FGF14: variants seen among roughly 807,000 people sequenced by gnomAD.
FGF14 encodes the protein fibroblast growth factor 14.
Under a neutral mutation model 25.5 loss-of-function variants are expected in FGF14, and 5 were observed. The ratio of observed to expected loss-of-function variants is 0.20; its 90% CI spans 0.10 to 0.41. FGF14 has a LOEUF of 0.41. FGF14 is among the 10% of genes least tolerant of loss of function. The probability of loss-of-function intolerance (pLI) is 1.00; values close to 1 mark genes in which losing one functional copy is unlikely to be tolerated. For synonymous variants in FGF14, 138 were observed against 118.3 expected (o/e 1.17, Z -1.08); for missense variants, 222 against 320.1 (o/e 0.69, Z 2.34).
chr13:102,309,168 AT>A (rs1684216749), intron 1 of FGF14, among the ~76,000 whole-genome samples: 1 of 150,370 alleles, frequency 6.7e-6, no homozygotes, highest in Non-Finnish European at 1.5e-5. Flanking sequence ...ACACACACAC[AT>A]CTCGCACAGT....
upstream of FGF14, among the ~76,000 whole-genome samples, chr13:101,917,071 C>A (rs1478949251): frequency 6.6e-6 from 1 of 151,376 alleles, no homozygotes; most frequent in Non-Finnish European, 1.5e-5. Flanking sequence ...CCCCGGGCGC[C>A]GGCTGGAGGG....
Position 102,059,607 on chromosome 13 carries a change from T to C in FGF14, c.209-184311A>G, listed in dbSNP as rs528563343. ...GACTCACGCCTGTAATCCCAGCACT[T>C]TGGGAGGCCGAGGCGGGTGGATCAC... On this transcript the variant is annotated intron_variant, in intron 1 of 4. Transcript: ENST00000376131. 2.5e-3 allele frequency among the ~76,000 whole-genome samples: 374 copies of C among 152,130 alleles called. 1 individual carries two copies. The highest frequency in any genetic ancestry group is 8.3e-3 in the African/African-American group (343 of 41,530).
intron 1 of FGF14, among the ~76,000 whole-genome samples, chr13:102,049,977 C>G (rs1189044421): frequency 6.6e-6 from 1 of 151,908 alleles, no homozygotes; most frequent in Non-Finnish European, 1.5e-5. Context: ...ATTCCAATTG[C>G]TTAATCCAAC....
chr13:101,797,012 A>C (rs2140116766), intron 3 of FGF14, among the ~76,000 whole-genome samples: 1 of 152,164 alleles, frequency 6.6e-6, no homozygotes, highest in East Asian at 1.9e-4. Context: ...GGAATTACAA[A>C]AGCCAGACCC....
At chr13:102,218,373 CG>C (rs1399530046) in intron 1 of FGF14, among the ~76,000 whole-genome samples, 1 of 151,984 alleles carries the variant, frequency 6.6e-6, no homozygotes, top group Non-Finnish European at 1.5e-5. Context: ...ACCTGCAGCA[CG>C]TGGGAGAGCA....
chr13:102,090,901 G>A (rs985793697), intron 1 of FGF14, among the ~76,000 whole-genome samples: 1 of 152,192 alleles, frequency 6.6e-6, no homozygotes, highest in African/African-American at 2.4e-5. Flanking sequence ...TAAAGTCTAA[G>A]TATATATTAT....
intron 1 of FGF14, among the ~76,000 whole-genome samples, chr13:102,222,464 A>C (rs1241616039): frequency 6.6e-6 from 1 of 152,174 alleles, no homozygotes; most frequent in Non-Finnish European, 1.5e-5. Context: ...AGAAACCTTG[A>C]CCAATGGTTT....
intron 1 of FGF14, among the ~76,000 whole-genome samples, chr13:102,068,952 G>A (rs2043031940): frequency 6.6e-6 from 1 of 152,154 alleles, no homozygotes; most frequent in African/African-American, 2.4e-5. Flanking sequence ...TGGTGGGGAC[G>A]TGGAGAGTCT....
intron 1 of FGF14, among the ~76,000 whole-genome samples, chr13:102,196,833 C>T (rs1418261045): frequency 6.6e-6 from 1 of 152,198 alleles, no homozygotes; most frequent in East Asian, 1.9e-4. Context: ...CATCTACCCC[C>T]TTTCCATCCA....
chr13:102,119,870 G>T (rs913395615), intron 1 of FGF14, among the ~76,000 whole-genome samples: 2 of 152,114 alleles, frequency 1.3e-5, no homozygotes, highest in Non-Finnish European at 2.9e-5. Context: ...CAGAGAGCAG[G>T]ATCCACCCAG....
At chr13:102,054,858 C>A (rs2042362786) in intron 1 of FGF14, among the ~76,000 whole-genome samples, 1 of 152,150 alleles carries the variant, frequency 6.6e-6, no homozygotes, top group Non-Finnish European at 1.5e-5. Flanking sequence ...TGAAACCATT[C>A]ATCAAATCTC....
intron 1 of FGF14, among the ~76,000 whole-genome samples, chr13:101,971,463 C>G (rs550569056): frequency 6.6e-6 from 1 of 152,136 alleles, no homozygotes; most frequent in East Asian, 1.9e-4. Flanking sequence ...CTCCGCCTCC[C>G]AGGCTCAAGC....
intron 1 of FGF14, among the ~76,000 whole-genome samples, chr13:102,022,601 C>T (rs769730525): frequency 9.2e-5 from 14 of 151,880 alleles, no homozygotes; most frequent in East Asian, 1.9e-4. Context: ...TAGATGACAC[C>T]GTCTCACATG....
chr13:102,148,877 T>C (rs1318722702), intron 1 of FGF14, among the ~76,000 whole-genome samples: 2 of 152,166 alleles, frequency 1.3e-5, no homozygotes, highest in Non-Finnish European at 2.9e-5. Context: ...GGATTCTAAA[T>C]TGGGAGATAG....
intron 1 of FGF14, among the ~76,000 whole-genome samples, chr13:102,118,741 A>C (rs946765272): frequency 6.6e-6 from 1 of 152,110 alleles, no homozygotes; most frequent in African/African-American, 2.4e-5. Flanking sequence ...TTAAATACAT[A>C]CAATTTTATG....
chr13:102,281,858 T>C (rs1297733330), intron 1 of FGF14, among the ~76,000 whole-genome samples: 1 of 152,118 alleles, frequency 6.6e-6, no homozygotes, highest in Non-Finnish European at 1.5e-5. Context: ...ACTATCTATG[T>C]GTCCCAAACA....
chr13:102,146,327 A>T (rs1284941668), intron 1 of FGF14, among the ~76,000 whole-genome samples: 1 of 152,222 alleles, frequency 6.6e-6, no homozygotes, highest in Non-Finnish European at 1.5e-5. Flanking sequence ...TTGTGGGATG[A>T]GCAACAAAGT....
chr13:102,113,301 G>A (rs1036979078), intron 1 of FGF14, among the ~76,000 whole-genome samples: 1 of 152,062 alleles, frequency 6.6e-6, no homozygotes, highest in African/African-American at 2.4e-5. Context: ...CCTAGACCAG[G>A]GCTTCTCTCT....
rs562805167 is a variant in FGF14, at chr13:101,852,848, G to A, written c.408+15877C>T. ...AATATTTTAAATGCCAGAGAACTTG[G>A]TGTCCTTGATTATATTCACAGAAAA... On this transcript the variant is annotated intron_variant, in intron 3 of 4. Coordinates refer to ENST00000376143, the MANE Select transcript of FGF14 (RefSeq NM_004115.4). Among the ~76,000 whole-genome samples, 4 of 152,130 alleles carry A rather than the reference G, an allele frequency of 2.6e-5. No individual in the cohort carries two copies. The South Asian group carries it at 6.2e-4, about 24-fold the overall frequency.
Sources: allele counts gnomAD v4.1 joint callset (sites outside exome capture counted in the v4.1 genomes callset), GRCh38; gene constraint gnomAD v4.1.1; transcripts MANE v1.5; gene names NCBI Gene and HGNC (gene_info 2026-07-23, HGNC 2026-07-21).